Variants in PPARGC1A observed in about 807,000 individuals in gnomAD.
PPARGC1A encodes the protein PPARG coactivator 1 alpha.
Under a neutral mutation model 88.7 loss-of-function variants are expected in PPARGC1A, and 25 were observed. The ratio of observed to expected loss-of-function variants is 0.28; its 90% CI spans 0.21 to 0.39. The LOEUF is 0.39. Among genes scored for constraint, PPARGC1A ranks in the 10% least tolerant of loss-of-function variants. The pLI is 1.00. For missense variants in PPARGC1A, 880 were observed against 968.7 expected (o/e 0.91, Z 1.22); for synonymous variants, 363 against 355.6 (o/e 1.02, Z -0.24).
chr4:23,918,062 T>C, the PPARGC1A span, among the ~76,000 whole-genome samples: 1 of 152,282 alleles, frequency 6.6e-6, no homozygotes, highest in East Asian at 1.9e-4. Context: ...GGATTTAGCT[T>C]ATAAAACTCT....
At chr4:24,068,614 T>C in the PPARGC1A span, among the ~76,000 whole-genome samples, 1 of 152,120 alleles carries the variant, frequency 6.6e-6, no homozygotes, top group African/African-American at 2.4e-5. Context: ...TGTGTGCACA[T>C]GTGTTTATAT....
chr4:23,928,771 A>AAAAAAAAAAAAAAAAAAAAAAC, the PPARGC1A span, among the ~76,000 whole-genome samples: 2 of 2,336 alleles, frequency 8.6e-4, no homozygotes, highest in East Asian at 0.017. Context: ...CAAAAAAAAC[A>AAAAAAAAAAAAAAAAAAAAAAC]AAAAAAAACA....
At chr4:23,970,445 A>G in the PPARGC1A span, among the ~76,000 whole-genome samples, 844 of 152,312 alleles carry the variant, frequency 5.5e-3, 7 homozygotes, top group African/African-American at 0.019. Context: ...GCTGTTAGCC[A>G]CATGTCCCAG....
the PPARGC1A span, among the ~76,000 whole-genome samples, chr4:24,358,358 A>T: frequency 6.6e-6 from 1 of 152,238 alleles, no homozygotes; most frequent in African/African-American, 2.4e-5. Flanking sequence ...TATAGATGTG[A>T]TAACTGAGGC....
the PPARGC1A span, among the ~76,000 whole-genome samples, chr4:24,397,828 C>T: frequency 9.9e-5 from 15 of 152,190 alleles, no homozygotes; most frequent in Non-Finnish European, 1.9e-4. Context: ...CTTAAAACAG[C>T]GAGATGCAAA....
chr4:24,077,188 A>C, the PPARGC1A span, among the ~76,000 whole-genome samples: 1 of 152,074 alleles, frequency 6.6e-6, no homozygotes, highest in Admixed American at 6.6e-5. Context: ...TCACTCAAGG[A>C]ATATCTTTGG....
chr4:24,374,493 CA>C, the PPARGC1A span, among the ~76,000 whole-genome samples: 1 of 151,814 alleles, frequency 6.6e-6, no homozygotes. Flanking sequence ...ATCTGTATAG[CA>C]AACCCCCATG....
chr4:23,891,611 G>A (rs1004176724), upstream of PPARGC1A, among the ~76,000 whole-genome samples: 6 of 152,182 alleles, frequency 3.9e-5, no homozygotes, highest in African/African-American at 1.4e-4. Context: ...TGTGAGAGCT[G>A]CAACAAGTTG....
the PPARGC1A span, among the ~76,000 whole-genome samples, chr4:24,213,461 C>G: frequency 6.6e-6 from 1 of 152,174 alleles, no homozygotes; most frequent in Non-Finnish European, 1.5e-5. Flanking sequence ...CCACCGCGCC[C>G]GGCCGATTCT....
chr4:23,955,262 A>G, the PPARGC1A span, among the ~76,000 whole-genome samples: 17 of 152,124 alleles, frequency 1.1e-4, no homozygotes, highest in African/African-American at 2.6e-4. Context: ...CTATAAATAA[A>G]TGTTAATTCT....
At chr4:24,035,549 AAATAAT>A in the PPARGC1A span, among the ~76,000 whole-genome samples, 2 of 151,930 alleles carry the variant, frequency 1.3e-5, no homozygotes, top group East Asian at 1.9e-4. Context: ...CTGTCTCAAA[AAATAAT>A]AATAATAAAT....
At chr4:24,328,115 C>G in the PPARGC1A span, among the ~76,000 whole-genome samples, 2 of 152,036 alleles carry the variant, frequency 1.3e-5, no homozygotes, top group Middle Eastern at 3.2e-3. Flanking sequence ...CGCTGACTCT[C>G]TTTTCAGACT....
chr4:24,306,078 C>CA, the PPARGC1A span, among the ~76,000 whole-genome samples: 1 of 152,162 alleles, frequency 6.6e-6, no homozygotes, highest in Non-Finnish European at 1.5e-5. Context: ...ACACAATCCA[C>CA]AGAAGCAGAT....
At chr4:24,020,917 G>A in the PPARGC1A span, among the ~76,000 whole-genome samples, 8 of 152,284 alleles carry the variant, frequency 5.3e-5, no homozygotes, top group South Asian at 1.5e-3. Flanking sequence ...GTGCTGTTAC[G>A]AGTTAAAACC....
chr4:24,354,245 C>T, the PPARGC1A span, among the ~76,000 whole-genome samples: 1 of 152,032 alleles, frequency 6.6e-6, no homozygotes, highest in African/African-American at 2.4e-5. Flanking sequence ...TACATTGGGC[C>T]CACCGGGATA....
At chr4:24,408,594 C>G in the PPARGC1A span, among the ~76,000 whole-genome samples, 1 of 152,158 alleles carries the variant, frequency 6.6e-6, no homozygotes, top group Non-Finnish European at 1.5e-5. Context: ...AACTCTTGCT[C>G]CTAGAATATT....
intron 2 of PPARGC1A, among the ~76,000 whole-genome samples, chr4:23,857,728 A>G (rs1730462067): frequency 6.6e-6 from 1 of 151,780 alleles, no homozygotes. Context: ...ACCGAGAGCC[A>G]GTAAGCAAAA....
chr4:24,095,396 T>C, the PPARGC1A span, among the ~76,000 whole-genome samples: 1 of 152,142 alleles, frequency 6.6e-6, no homozygotes, highest in African/African-American at 2.4e-5. Flanking sequence ...AGATTGCAGA[T>C]TGCAGGCATA....
the PPARGC1A span, among the ~76,000 whole-genome samples, chr4:24,292,391 A>G: frequency 6.6e-6 from 1 of 151,762 alleles, no homozygotes; most frequent in East Asian, 1.9e-4. Context: ...GGTACCCAAG[A>G]CCCAATGCTC....
Sources: gnomAD v4.1 joint callset for allele counts (sites outside exome capture counted in the v4.1 genomes callset) on GRCh38, gnomAD v4.1.1 for gene constraint, MANE v1.5 for transcripts, NCBI Gene and HGNC (gene_info 2026-07-23, HGNC 2026-07-21) for gene names.